The following MAD1L1 variants were observed in gnomAD, a reference collection of about 807,000 sequenced individuals.
MAD1L1 encodes mitotic arrest deficient 1 like 1, also known as mitotic spindle assembly checkpoint protein MAD1.
A neutral mutation model predicts 96.9 loss-of-function variants in MAD1L1; 95 were observed. That is an observed-to-expected ratio of 0.98 (90% CI 0.83 to 1.16). MAD1L1 has a LOEUF of 1.16. MAD1L1 is among the 50% of genes most tolerant of loss of function. The pLI is 0.00. For missense variants in MAD1L1, 1,007 were observed against 954.4 expected, an observed-to-expected ratio of 1.06 and a Z score of -0.73; for synonymous variants, 473 against 396.6, an observed-to-expected ratio of 1.19 and a Z score of -2.29.
intron 16 of MAD1L1, among the ~76,000 whole-genome samples, chr7:1,945,726 C>A (rs1446387009): frequency 1.3e-5 from 2 of 152,226 alleles, no homozygotes; most frequent in Non-Finnish European, 2.9e-5. Context: ...CACGCGACCC[C>A]TCAGAGGTGC....
At chr7:1,888,168 A>G (rs73288743) in intron 18 of MAD1L1, among the ~76,000 whole-genome samples, 10,842 of 134,132 alleles carry the variant, frequency 0.081, 881 homozygotes, top group African/African-American at 0.22. Flanking sequence ...GCATGTGTGC[A>G]GCTGCCTGTG....
chr7:2,202,266 G>A (rs146517882), intron 10 of MAD1L1, among the ~76,000 whole-genome samples: 141 of 152,368 alleles, frequency 9.3e-4, no homozygotes, highest in African/African-American at 3.3e-3. Flanking sequence ...CCCCAAGGCA[G>A]AAAGCGGCCA....
At chr7:2,014,448 C>T in intron 13 of MAD1L1, 54 bp downstream of exon 13, 1 of 1,513,738 alleles carries the variant, frequency 6.6e-7, no homozygotes, top group Non-Finnish European at 8.8e-7. Context: ...TGCCAAGGCC[C>T]ACCGGGAAGA....
At chr7:1,877,495 A>C (rs914991709) in intron 18 of MAD1L1, among the ~76,000 whole-genome samples, 1 of 151,962 alleles carries the variant, frequency 6.6e-6, no homozygotes, top group Non-Finnish European at 1.5e-5. Flanking sequence ...AGAAAAATGA[A>C]AAAAAGAATA....
At chr7:2,096,168 C>G (rs1786479626) in intron 11 of MAD1L1, among the ~76,000 whole-genome samples, 1 of 152,234 alleles carries the variant, frequency 6.6e-6, no homozygotes, top group Non-Finnish European at 1.5e-5. Context: ...AAGGTGAATT[C>G]CAGATGAGGA....
Position 2,072,452 on chromosome 7 carries a change from G to A in MAD1L1, c.1074-3114C>T, listed in dbSNP as rs577503089. 1.9e-3 allele frequency among the ~76,000 whole-genome samples: 287 copies of A among 152,226 alleles called. 1 individual carries two copies. The highest frequency in any genetic ancestry group is 2.7e-3 in the Non-Finnish European group (185 of 68,028). On this transcript the variant is annotated intron_variant, in intron 11 of 18. Coordinates refer to ENST00000265854, the MANE Select transcript of MAD1L1 (RefSeq NM_001013836.2). ...CTCCAGGCGCTCCATAACCAAAAAC[G>A]CAAGACAAAATAAAAAGCAGGCACA... is the stretch of plus-strand genomic sequence containing the variant.
At chr7:1,843,257 C>CTGGGCCTTACAGG (rs1401597215) in intron 18 of MAD1L1, among the ~76,000 whole-genome samples, 3 of 152,212 alleles carry the variant, frequency 2.0e-5, no homozygotes, top group African/African-American at 7.2e-5. Context: ...CTCTGTCTTC[C>CTGGGCCTTACAGG]TGGGCCTTAC....
At position 2,226,107 on chromosome 7, in the gene MAD1L1, G is replaced by A. The variant is rs193209057; in HGVS notation, c.151-557C>T. 2.2e-3 allele frequency among the ~76,000 whole-genome samples: 339 copies of A among 152,222 alleles called. 2 individuals carry two copies. Among genetic ancestry groups the A allele is most frequent in the African/African-American group, 7.2e-3 (301 of 41,522 alleles). ...CTCCTGCTATGTCTCTTGACTGCTC[G>A]GCCTCGGACGTCTGGACTCAGACTT... is the stretch of plus-strand genomic sequence containing the variant. On this transcript the variant is annotated intron_variant, in intron 3 of 18. Coordinates refer to ENST00000265854, the MANE Select transcript of MAD1L1 (RefSeq NM_001013836.2).
At chr7:1,926,662 G>C (rs1378036006) in intron 17 of MAD1L1, among the ~76,000 whole-genome samples, 1 of 152,194 alleles carries the variant, frequency 6.6e-6, no homozygotes, top group African/African-American at 2.4e-5. Flanking sequence ...TGCAGGAAAA[G>C]CATCTGACAG....
intron 12 of MAD1L1, among the ~76,000 whole-genome samples, chr7:2,050,987 A>C (rs1244078532): frequency 3.3e-5 from 5 of 152,234 alleles, no homozygotes; most frequent in Non-Finnish European, 7.3e-5. Context: ...ACCTGCAGCT[A>C]ACTTCCTTTC....
intron 17 of MAD1L1, among the ~76,000 whole-genome samples, chr7:1,922,576 C>T (rs1323822794): frequency 6.6e-6 from 1 of 152,216 alleles, no homozygotes; most frequent in Non-Finnish European, 1.5e-5. Flanking sequence ...GACATAATCA[C>T]GCCACCTGTG....
At chr7:1,935,755 A>T (rs1778560351) in intron 17 of MAD1L1, among the ~76,000 whole-genome samples, 1 of 152,248 alleles carries the variant, frequency 6.6e-6, no homozygotes, top group South Asian at 2.1e-4. Flanking sequence ...ATCGGATGAA[A>T]GCTGAGTCTG....
intron 10 of MAD1L1, among the ~76,000 whole-genome samples, chr7:2,168,272 G>A (rs1790535440): frequency 1.3e-5 from 2 of 151,260 alleles, no homozygotes; most frequent in Admixed American, 1.3e-4. Flanking sequence ...GTGACAGAGC[G>A]AGACTGTCTA....
At chr7:2,087,899 G>T (rs1786005597) in intron 11 of MAD1L1, among the ~76,000 whole-genome samples, 1 of 152,186 alleles carries the variant, frequency 6.6e-6, no homozygotes, top group South Asian at 2.1e-4. Flanking sequence ...CAGCTGAAGG[G>T]AAAACCACAA....
intron 16 of MAD1L1, among the ~76,000 whole-genome samples, chr7:1,952,305 G>A (rs1270828001): frequency 1.3e-5 from 2 of 152,218 alleles, no homozygotes; most frequent in African/African-American, 2.4e-5. Flanking sequence ...GACTGCGGCC[G>A]ACTCAGCCTC....
chr7:1,932,490 G>C (rs1789538292), intron 17 of MAD1L1, among the ~76,000 whole-genome samples: 1 of 152,248 alleles, frequency 6.6e-6, no homozygotes, highest in Non-Finnish European at 1.5e-5. Context: ...CTTCAGACCT[G>C]ATGTGGGGCT....
intron 17 of MAD1L1, among the ~76,000 whole-genome samples, chr7:1,934,328 C>T (rs1359066271): frequency 3.9e-5 from 6 of 152,198 alleles, no homozygotes; most frequent in African/African-American, 7.2e-5. Flanking sequence ...GCCGACCACC[C>T]GCGTGCCTGA....
chr7:2,060,844 G>C (rs1380763553), intron 12 of MAD1L1, among the ~76,000 whole-genome samples: 1 of 152,240 alleles, frequency 6.6e-6, no homozygotes, highest in Non-Finnish European at 1.5e-5. Flanking sequence ...AACTTTGGCA[G>C]GCAAAGACTG....
At chr7:1,822,625 G>C (rs1168635055) in intron 18 of MAD1L1, among the ~76,000 whole-genome samples, 1 of 151,148 alleles carries the variant, frequency 6.6e-6, no homozygotes, top group Non-Finnish European at 1.5e-5. Flanking sequence ...GTCTCCCTGT[G>C]TTGCCCAGGC....
Sources: allele counts gnomAD v4.1 joint callset (sites outside exome capture counted in the v4.1 genomes callset), GRCh38; gene constraint gnomAD v4.1.1; transcripts MANE v1.5; gene names NCBI Gene and HGNC (gene_info 2026-07-23, HGNC 2026-07-21).